CCL2: variants seen among roughly 807,000 people sequenced by gnomAD.
CCL2 encodes C-C motif chemokine 2.
A neutral mutation model predicts 6.7 loss-of-function variants in CCL2; 2 were observed. The ratio of observed to expected loss-of-function variants is 0.30; its 90% CI spans 0.12 to 0.94. The LOEUF is 0.94. Among genes scored for constraint, CCL2 ranks in the 40% least tolerant of loss-of-function variants. CCL2 has a pLI of 0.54. For missense variants in CCL2, 89 were observed against 119.3 expected, an observed-to-expected ratio of 0.75 and a Z score of 1.18; for synonymous variants, 43 against 45.2, an observed-to-expected ratio of 0.95 and a Z score of 0.19.
Position 34,256,354 on chromosome 17 carries a change from C to T in CCL2, c.194+15C>T, listed in dbSNP as rs367586228. On this transcript the variant is annotated intron_variant, in intron 2 of 2. Transcript: ENST00000225831. ...GAAGCTGTGATGTGAGTTCAGCACA[C>T]CAACCTTCCCTGGCCTGAAGTTCTT... The T allele has an allele frequency of 8.6e-6, 13 of 1,513,646 alleles. No individual in the cohort carries two copies. In the African/African-American group the frequency reaches 1.5e-4, roughly 18 times the overall value. The allele number at this position is 1,513,646 out of a possible 1,614,324, so 93.8% of individuals were successfully genotyped here.
chr17:34,256,246 G>A lies in CCL2; in HGVS notation c.101G>A (p.Cys34Tyr). Residue 34 changes from cysteine to tyrosine, a missense_variant, in exon 2 of 3, where the codon TGC becomes TAC. Coordinates refer to ENST00000225831, the MANE Select transcript of CCL2 (RefSeq NM_002982.4). ...QPDAINAPVT[C>Y]CYNFTNRKIS... ...GATGCAATCAATGCCCCAGTCACCT[G>A]CTGTTATAACTTCACCAATAGGAAG... 5 of 1,612,508 alleles carry A rather than the reference G, an allele frequency of 3.1e-6. No individual in the cohort carries two copies. Among genetic ancestry groups the A allele is most frequent in the Non-Finnish European group, 2.5e-6 (3 of 1,178,744 alleles).
In CCL2 at chr17:34,256,837, C is replaced by T. The variant is rs376859120; in HGVS notation, c.*10C>T. 3 of 1,569,464 alleles carry T rather than the reference C, an allele frequency of 1.9e-6. No individual in the cohort carries two copies. The highest frequency in any genetic ancestry group is 2.6e-6 in the Non-Finnish European group (3 of 1,139,864). On this transcript the variant is annotated 3_prime_UTR_variant, in exon 3 of 3. Transcript: ENST00000225831. Reference sequence around the variant, plus strand: ...AACTCCGAAGACTTGAACACTCACTCCACAACCCAAGAATCTGCAGCTAAC... The same window carrying T: ...AACTCCGAAGACTTGAACACTCACTTCACAACCCAAGAATCTGCAGCTAAC...
rs1907654026 is a variant in CCL2 at position 34,255,390 on chromosome 17, C to A, written c.41C>A (p.Ala14Glu). The A allele has an allele frequency of 7.4e-6, 12 of 1,613,994 alleles. No individual in the cohort carries two copies. The highest frequency in any genetic ancestry group is 1.0e-5 in the Non-Finnish European group (12 of 1,179,944). Residue 14 changes from alanine to glutamate, a missense_variant, in exon 1 of 3, where the codon GCA (alanine) becomes GAA (glutamate). Transcript: ENST00000225831. ...GCCCTTCTGTGCCTGCTGCTCATAG[C>A]AGCCACCTTCATTCCCCAAGGGCTC... The part of the protein sequence containing the change: ...SAALLCLLLI[A>E]ATFIPQGLAQ...
rs758414868 is a variant in CCL2 at position 34,256,557 on chromosome 17, G to A, written c.195-165G>A. On this transcript the variant is annotated intron_variant, in intron 2 of 2. Transcript: ENST00000225831. The stretch of plus-strand genomic sequence containing the variant: ...CCCAATTTCTTTAGCTTGAAGTCAG[G>A]ATGGCTCCACCTGGACACCTATAGG... 42 of 617,422 alleles carry A rather than the reference G, an allele frequency of 6.8e-5. 1 individual carries two copies. Among genetic ancestry groups the A allele is most frequent in the East Asian group, 1.1e-4 (4 of 36,426 alleles). The allele number at this position is 617,422 out of a possible 1,614,324, so 38.2% of individuals were successfully genotyped here.
chr17:34,255,687 G>T, intron 1 of CCL2: 1 of 448,128 alleles, frequency 2.2e-6, no homozygotes, highest in Non-Finnish European at 4.0e-6. Flanking sequence ...TACTCCCCCA[G>T]CTGCTTCCAG....
At chr17:34,255,679 C>T (rs1199630089) in intron 1 of CCL2, 3 of 464,210 alleles carry the variant, frequency 6.5e-6, no homozygotes, top group African/African-American at 2.0e-5. Context: ...AGCGCAGTTA[C>T]TCCCCCAGCT....
chr17:34,255,895 G>T, intron 1 of CCL2: 1 of 285,208 alleles, frequency 3.5e-6, no homozygotes, highest in Non-Finnish European at 6.6e-6. Flanking sequence ...TCATAGTGGG[G>T]CTCCCCAGCT....
Position 34,256,741 on chromosome 17 carries a change from A to C in CCL2, c.214A>C (p.Lys72Gln). ...EAVIFKTIVA[K>Q]EICADPKQKW... ...CCACAGCTTCAAGACCATTGTGGCCAAGGAGATCTGTGCTGACCCCAAGCA... is the reference window on the plus strand; with the variant it reads ...CCACAGCTTCAAGACCATTGTGGCCCAGGAGATCTGTGCTGACCCCAAGCA... The change falls in exon 3 of 3, where the codon AAG becomes CAG. Residue 72 changes from lysine (K) to glutamine (Q), a missense_variant. By Grantham distance (53) the Lys-to-Gln change is moderately conservative. Transcript: ENST00000225831. 6.2e-7 allele frequency: 1 copy of C among 1,613,224 alleles called. No homozygotes were observed. The highest frequency in any genetic ancestry group is 1.1e-5 in the South Asian group (1 of 90,986).
chr17:34,256,317 A>C lies in CCL2; in HGVS notation c.172A>C (p.Lys58Gln). 1 of 1,613,016 alleles carries C rather than the reference A, an allele frequency of 6.2e-7. No individual in the cohort carries two copies. Among genetic ancestry groups the C allele is most frequent in the Non-Finnish European group, 8.5e-7 (1 of 1,178,980 alleles). Residue 58 changes from lysine (K) to glutamine (Q), a missense_variant, in exon 2 of 3, where the codon AAG becomes CAG. Lys to Gln is a moderately conservative substitution (Grantham distance 53, BLOSUM62 1). Transcript: ENST00000225831. ...GAGCTATAGAAGAATCACCAGCAGC[A>C]AGTGTCCCAAAGAAGCTGTGATGTG... ...LASYRRITSS[K>Q]CPKEAVIFKT...
At chr17:34,255,711 T>G in intron 1 of CCL2, 2 of 402,254 alleles carry the variant, frequency 5.0e-6, no homozygotes, top group Non-Finnish European at 8.9e-6. Flanking sequence ...AGTTTGGGGA[T>G]CAGGGTAATC....
chr17:34,256,851 T>G lies in CCL2; in HGVS notation c.*24T>G. 6.9e-7 allele frequency: 1 copy of G among 1,454,790 alleles called. No individual in the cohort carries two copies. Among genetic ancestry groups the G allele is most frequent in the South Asian group, 1.2e-5 (1 of 86,320 alleles). 90.1% of individuals were successfully genotyped at this position (1,454,790 alleles called of 1,614,324 possible). A position where few individuals can be genotyped will look rare whatever the true frequency, so the allele number is the denominator to read the frequency against. On this transcript the variant is annotated 3_prime_UTR_variant, in exon 3 of 3. Coordinates refer to ENST00000225831, the MANE Select transcript of CCL2 (RefSeq NM_002982.4). ...GAACACTCACTCCACAACCCAAGAA[T>G]CTGCAGCTAACTTATTTTCCCCTAG...
chr17:34,256,037 A>T (rs920819289), intron 1 of CCL2, 185 bp from the exon 2 acceptor site: 2 of 561,238 alleles, frequency 3.6e-6, no homozygotes, highest in South Asian at 2.3e-5. Context: ...CAGCATAGGA[A>T]ACTGAGTCAT....
intron 1 of CCL2, chr17:34,255,981 G>T: frequency 4.8e-6 from 1 of 207,252 alleles, no homozygotes; most frequent in Non-Finnish European, 7.6e-6. Flanking sequence ...AGCTTTAACA[G>T]CTCCTCCTTC....
At position 34,256,289 on chromosome 17, in the gene CCL2, C is replaced by A. The variant is rs138768575; in HGVS notation, c.144C>A (p.Leu48=). ...ATAGGAAGATCTCAGTGCAGAGGCT[C>A]GCGAGCTATAGAAGAATCACCAGCA... The part of the protein sequence containing the change: ...FTNRKISVQR[L]ASYRRITSSK... Residue 48 remains leucine, a synonymous_variant, in exon 2 of 3, where the codon CTC becomes CTA. Coordinates refer to ENST00000225831, the MANE Select transcript of CCL2 (RefSeq NM_002982.4). 6.2e-7 allele frequency: 1 copy of A among 1,613,854 alleles called. No homozygotes were observed. Among genetic ancestry groups the A allele is most frequent in the Admixed American group, 1.7e-5 (1 of 60,006 alleles).
At chr17:34,255,629 A>C in intron 1 of CCL2, 53 of 519,344 alleles carry the variant, frequency 1.0e-4, no homozygotes, top group Non-Finnish European at 1.1e-4. Context: ...TGAACCCCAA[A>C]TCCAGCTCCT....
In CCL2 at chr17:34,256,307, C is replaced by A; in HGVS notation, c.162C>A (p.Ile54=). Reference sequence around the variant, plus strand: ...AGAGGCTCGCGAGCTATAGAAGAATCACCAGCAGCAAGTGTCCCAAAGAAG... The same window carrying A: ...AGAGGCTCGCGAGCTATAGAAGAATAACCAGCAGCAAGTGTCCCAAAGAAG... The part of the protein sequence containing the change: ...SVQRLASYRR[I]TSSKCPKEAV... The change falls in exon 2 of 3, where the codon ATC becomes ATA. Residue 54 remains isoleucine (I), a synonymous_variant. Transcript: ENST00000225831. The A allele has an allele frequency of 6.2e-7, 1 of 1,613,640 alleles. No homozygotes were observed. The highest frequency in any genetic ancestry group is 1.7e-4 in the Middle Eastern group (1 of 6,060).
At chr17:34,256,158 G>A in intron 1 of CCL2, 64 bp from the exon 2 acceptor site, 1 of 1,121,242 alleles carries the variant, frequency 8.9e-7, no homozygotes, top group East Asian at 2.4e-5. Context: ...ACTCTTTTCT[G>A]CTCTTAAGAT....
At chr17:34,256,080 T>C (rs1907675831) in intron 1 of CCL2, 142 bp from the exon 2 acceptor site, 3 of 631,468 alleles carry the variant, frequency 4.8e-6, no homozygotes, top group Non-Finnish European at 8.5e-6. Flanking sequence ...CTCTGAGGTA[T>C]AGGCAGAAGC....
chr17:34,256,381 C>T, intron 2 of CCL2, 42 bp downstream of exon 2: 1 of 1,311,268 alleles, frequency 7.6e-7, no homozygotes, highest in Non-Finnish European at 1.1e-6. Context: ...GAAGTTCTTC[C>T]TTGTGGAGCA....
Sources: allele counts gnomAD v4.1 joint callset, GRCh38; gene constraint gnomAD v4.1.1; transcripts MANE v1.5; gene names NCBI Gene and HGNC (gene_info 2026-07-23, HGNC 2026-07-21).